The following PLCXD3 variants were observed in gnomAD, a reference collection of about 807,000 sequenced individuals.
PLCXD3 encodes PI-PLC X domain-containing protein 3.
A neutral mutation model predicts 25.5 loss-of-function variants in PLCXD3; 19 were observed. The ratio of observed to expected loss-of-function variants is 0.75; its 90% CI spans 0.52 to 1.09. PLCXD3 has a LOEUF of 1.09. PLCXD3 is among the 50% of genes least tolerant of loss of function. The pLI, the probability that PLCXD3 is intolerant of heterozygous loss-of-function variation, is 0.00. For synonymous variants in PLCXD3, 174 were observed against 137.6 expected, an observed-to-expected ratio of 1.26 and a Z score of -1.85; for missense variants, 411 against 388.1, an observed-to-expected ratio of 1.06 and a Z score of -0.50.
Position 41,309,496 on chromosome 5 carries a change from C to T in PLCXD3, c.*4121G>A, listed in dbSNP as rs1743074736. On this transcript the variant is annotated 3_prime_UTR_variant, in exon 3 of 3. Coordinates refer to ENST00000377801, the MANE Select transcript of PLCXD3 (RefSeq NM_001005473.3). ...CTATTAGCAATTCAAAGTGAGCACT[C>T]TGCCTACGGAACTCCTGTTTGGTTG... The T allele has an allele frequency of 6.6e-6, 1 of 152,454 alleles. No homozygotes were observed. The highest frequency in any genetic ancestry group is 2.1e-4 in the South Asian group (1 of 4,826). The allele number at this position is 152,454 out of a possible 1,614,324, so 9.4% of individuals were successfully genotyped here.
intron 2 of PLCXD3, among the ~76,000 whole-genome samples, chr5:41,380,328 C>G (rs143147453): frequency 2.6e-5 from 4 of 151,978 alleles, no homozygotes; most frequent in African/African-American, 7.2e-5. Context: ...TCATTGCTTG[C>G]GTATTATCCC....
intron 1 of PLCXD3, among the ~76,000 whole-genome samples, chr5:41,496,752 A>T (rs539987350): frequency 1.9e-4 from 29 of 151,644 alleles, no homozygotes; most frequent in African/African-American, 6.8e-4. Context: ...GTAGGTAACT[A>T]TGTAACTTAA....
At chr5:41,375,921 A>G (rs1352370796) in intron 2 of PLCXD3, among the ~76,000 whole-genome samples, 2 of 152,172 alleles carry the variant, frequency 1.3e-5, no homozygotes, top group Non-Finnish European at 1.5e-5. Flanking sequence ...GTAAGGTATT[A>G]GACATCTCTC....
intron 1 of PLCXD3, among the ~76,000 whole-genome samples, chr5:41,488,940 C>A (rs1355263025): frequency 6.6e-5 from 10 of 151,868 alleles, no homozygotes; most frequent in African/African-American, 2.4e-4. Flanking sequence ...TGAATTAGAT[C>A]CCATTTGTCA....
At chr5:41,327,410 A>G (rs1221434611) in intron 2 of PLCXD3, among the ~76,000 whole-genome samples, 5 of 152,088 alleles carry the variant, frequency 3.3e-5, no homozygotes, top group African/African-American at 1.2e-4. Flanking sequence ...CCTGCAAAGA[A>G]TTTGATATTA....
intron 1 of PLCXD3, among the ~76,000 whole-genome samples, chr5:41,432,831 C>A (rs917359455): frequency 6.6e-6 from 1 of 152,158 alleles, no homozygotes; most frequent in Non-Finnish European, 1.5e-5. Flanking sequence ...TGGATATGTT[C>A]GTTGAACTGA....
In PLCXD3 at chr5:41,413,211, T is replaced by C. The variant is rs2150503928; in HGVS notation, c.104-30677A>G. On this transcript the variant is annotated intron_variant, in intron 1 of 2. Coordinates refer to ENST00000377801, the MANE Select transcript of PLCXD3 (RefSeq NM_001005473.3). ...TTTTCTACAAACCAAACAAATACTT[T>C]GCAAGTGAATGATGCCAAGATTAGA... 1.3e-5 allele frequency among the ~76,000 whole-genome samples: 2 copies of C among 152,302 alleles called. 1 individual carries two copies. Among genetic ancestry groups the C allele is most frequent in the Middle Eastern group, 6.8e-3 (2 of 294 alleles).
intron 2 of PLCXD3, among the ~76,000 whole-genome samples, chr5:41,374,274 G>A (rs453636): frequency 0.11 from 17,193 of 152,042 alleles, 1,084 homozygotes; most frequent in African/African-American, 0.13. Flanking sequence ...TCTGAAAGTG[G>A]CATCCAGGAA....
chr5:41,400,830 ATAACT>A (rs975706620), intron 1 of PLCXD3, among the ~76,000 whole-genome samples: 1 of 152,044 alleles, frequency 6.6e-6, no homozygotes, highest in African/African-American at 2.4e-5. Context: ...CCATTTTAAA[ATAACT>A]TAAAGAATAT....
intron 1 of PLCXD3, among the ~76,000 whole-genome samples, chr5:41,506,972 C>A (rs1270952323): frequency 1.4e-5 from 2 of 146,372 alleles, no homozygotes; most frequent in African/African-American, 5.3e-5. Flanking sequence ...AAGATTTTTA[C>A]ATATTAGAGA....
intron 2 of PLCXD3, among the ~76,000 whole-genome samples, chr5:41,338,364 G>A (rs919092339): frequency 1.3e-5 from 2 of 152,072 alleles, no homozygotes; most frequent in African/African-American, 4.8e-5. Context: ...TGAAGTTAAG[G>A]ATTTATTTCC....
At chr5:41,337,255 T>C (rs1744013299) in intron 2 of PLCXD3, among the ~76,000 whole-genome samples, 1 of 151,796 alleles carries the variant, frequency 6.6e-6, no homozygotes, top group Admixed American at 6.6e-5. Flanking sequence ...GACCACAGAG[T>C]CTTAACCTCA....
chr5:41,449,531 A>G (rs1408732140), intron 1 of PLCXD3, among the ~76,000 whole-genome samples: 1 of 152,166 alleles, frequency 6.6e-6, no homozygotes, highest in Non-Finnish European at 1.5e-5. Context: ...CTAAGATTTT[A>G]GTGCAAGTAG....
intron 1 of PLCXD3, among the ~76,000 whole-genome samples, chr5:41,400,398 G>A (rs1371454610): frequency 6.6e-6 from 1 of 152,056 alleles, no homozygotes; most frequent in Non-Finnish European, 1.5e-5. Context: ...TATGTTTGTT[G>A]CAGCACTGTT....
chr5:41,496,608 G>A (rs1265821892), intron 1 of PLCXD3, among the ~76,000 whole-genome samples: 1 of 137,124 alleles, frequency 7.3e-6, no homozygotes. Flanking sequence ...ATAAAGGAAA[G>A]GTAAAGCTTT....
chr5:41,408,018 T>G (rs1452596770), intron 1 of PLCXD3, among the ~76,000 whole-genome samples: 1 of 152,198 alleles, frequency 6.6e-6, no homozygotes, highest in Non-Finnish European at 1.5e-5. Context: ...CATCACAATT[T>G]TAATCAACTT....
chr5:41,317,537 C>G (rs1212443525), intron 2 of PLCXD3, among the ~76,000 whole-genome samples: 2 of 151,958 alleles, frequency 1.3e-5, no homozygotes, highest in Non-Finnish European at 2.9e-5. Context: ...AGGGACCAAT[C>G]CTGGAGAAAC....
At chr5:41,388,950 C>T (rs1000488912) in intron 1 of PLCXD3, among the ~76,000 whole-genome samples, 39 of 151,048 alleles carry the variant, frequency 2.6e-4, no homozygotes, top group East Asian at 9.7e-4. Context: ...TATAGTAATG[C>T]TTGTATAATT....
chr5:41,368,460 A>G (rs1744999871), intron 2 of PLCXD3, among the ~76,000 whole-genome samples: 1 of 152,326 alleles, frequency 6.6e-6, no homozygotes, highest in South Asian at 2.1e-4. Context: ...CTTTCTAGAT[A>G]TAGGATTATG....
Sources: gnomAD v4.1 joint callset for allele counts (sites outside exome capture counted in the v4.1 genomes callset) on GRCh38, gnomAD v4.1.1 for gene constraint, MANE v1.5 for transcripts, NCBI Gene and HGNC (gene_info 2026-07-23, HGNC 2026-07-21) for gene names.